Variants in MICU1 observed in about 807,000 individuals in gnomAD.
MICU1 encodes mitochondrial calcium uptake 1.
Under a neutral mutation model 56.8 loss-of-function variants are expected in MICU1, and 45 were observed. The ratio of observed to expected loss-of-function variants is 0.79; its 90% CI spans 0.62 to 1.02. The LOEUF (loss-of-function observed/expected upper bound fraction) is 1.02, where lower values mean the gene tolerates loss of function less well. Ranked by LOEUF, MICU1 falls within the 50% of genes least tolerant of loss-of-function variation. MICU1 has a pLI of 0.00. For missense variants in MICU1, 504 were observed against 587.1 expected (o/e 0.86, Z 1.46); for synonymous variants, 186 against 195.1 (o/e 0.95, Z 0.39).
At chr10:72,426,415 TC>T (rs1864351505) in intron 8 of MICU1, among the ~76,000 whole-genome samples, 3 of 151,088 alleles carry the variant, frequency 2.0e-5, no homozygotes, top group Non-Finnish European at 3.0e-5. Context: ...TTTTTTTTTT[TC>T]AGACAGGGTC....
intron 8 of MICU1, among the ~76,000 whole-genome samples, chr10:72,470,210 G>A (rs1416195584): frequency 2.0e-5 from 3 of 152,076 alleles, no homozygotes; most frequent in African/African-American, 7.2e-5. Context: ...TTTAACCAAG[G>A]CCTCATTAGC....
chr10:72,495,755 A>G (rs1866820758), intron 6 of MICU1, among the ~76,000 whole-genome samples: 1 of 151,998 alleles, frequency 6.6e-6, no homozygotes, highest in South Asian at 2.1e-4. Context: ...AGATGTGACT[A>G]AGTTTGGCAT....
chr10:72,461,033 C>G (rs531262181), intron 8 of MICU1, among the ~76,000 whole-genome samples: 1 of 152,120 alleles, frequency 6.6e-6, no homozygotes, highest in Non-Finnish European at 1.5e-5. Flanking sequence ...CCAAGCTGAT[C>G]TAGAGGCCAA....
At chr10:72,566,398 A>C (rs1432607014) in intron 2 of MICU1, among the ~76,000 whole-genome samples, 1 of 152,106 alleles carries the variant, frequency 6.6e-6, no homozygotes, top group Non-Finnish European at 1.5e-5. Flanking sequence ...CCATTATTTA[A>C]AATGTTCAGC....
rs1199987987 is a variant in MICU1 at position 72,512,100 on chromosome 10, G to GTTTTTTTTTTTT, written c.538-3832_538-3831insAAAAAAAAAAAA. Among the ~76,000 whole-genome samples, 33 of 82,338 alleles carry GTTTTTTTTTTTT rather than the reference G, an allele frequency of 4.0e-4. 8 individuals are homozygous for GTTTTTTTTTTTT. The highest frequency in any genetic ancestry group is 1.5e-3 in the African/African-American group (26 of 17,244). The allele number at this position is 82,338 out of a possible 152,430, so 54.0% of individuals were successfully genotyped here. A position where few individuals can be genotyped will look rare whatever the true frequency, so the allele number is the denominator to read the frequency against. On this transcript the variant is annotated intron_variant, in intron 5 of 11. Coordinates refer to ENST00000361114, the MANE Select transcript of MICU1 (RefSeq NM_001195518.2). ...ATCAATCTGGCATCCATACACAGTT[G>GTTTTTTTTTTTT]TTTTTTGTTTTTTTTTTTTTTTTTT...
chr10:72,463,480 C>G (rs1865699635), intron 8 of MICU1, among the ~76,000 whole-genome samples: 1 of 152,162 alleles, frequency 6.6e-6, no homozygotes, highest in African/African-American at 2.4e-5. Context: ...TTCCTCCATT[C>G]TCCAAAAGGT....
intron 2 of MICU1, among the ~76,000 whole-genome samples, chr10:72,564,647 T>C (rs1210223454): frequency 1.3e-5 from 2 of 148,906 alleles, no homozygotes; most frequent in Admixed American, 6.7e-5. Flanking sequence ...CCAAGCCAAA[T>C]ACAGTGATCT....
chr10:72,620,808 T>G (rs984040307), intron 1 of MICU1, among the ~76,000 whole-genome samples: 1 of 152,216 alleles, frequency 6.6e-6, no homozygotes, highest in Non-Finnish European at 1.5e-5. Context: ...ATATTTAATG[T>G]CAATCACTTC....
chr10:72,488,022 C>A (rs1239932970), intron 6 of MICU1, among the ~76,000 whole-genome samples: 3 of 151,784 alleles, frequency 2.0e-5, no homozygotes, highest in East Asian at 3.9e-4. Flanking sequence ...CATGGAGAAA[C>A]CCCGTCTCTA....
intron 6 of MICU1, among the ~76,000 whole-genome samples, chr10:72,482,446 A>G (rs964691397): frequency 6.6e-6 from 1 of 152,180 alleles, no homozygotes; most frequent in Non-Finnish European, 1.5e-5. Context: ...CTGAGTTTTG[A>G]AAAAAACTTC....
At chr10:72,589,649 C>T (rs866472831) in intron 1 of MICU1, among the ~76,000 whole-genome samples, 6 of 151,648 alleles carry the variant, frequency 4.0e-5, no homozygotes, top group African/African-American at 1.2e-4. Context: ...ATAATAAAGC[C>T]CTTCTAATTA....
chr10:72,403,988 TTTTG>T (rs887522344), intron 10 of MICU1, among the ~76,000 whole-genome samples: 8 of 115,018 alleles, frequency 7.0e-5, no homozygotes, highest in African/African-American at 1.8e-4. Flanking sequence ...GTTATGTGTT[TTTTG>T]TTTGTTTGTT....
intron 5 of MICU1, among the ~76,000 whole-genome samples, chr10:72,514,259 T>C (rs1358650375): frequency 1.3e-5 from 2 of 152,198 alleles, no homozygotes; most frequent in African/African-American, 4.8e-5. Flanking sequence ...TTTTAGCTAC[T>C]TAACTATACT....
intron 5 of MICU1, among the ~76,000 whole-genome samples, chr10:72,515,733 T>C (rs1454668619): frequency 6.6e-6 from 1 of 152,196 alleles, no homozygotes; most frequent in African/African-American, 2.4e-5. Context: ...CATTTGTTAC[T>C]TTTTTAAGGA....
intron 1 of MICU1, among the ~76,000 whole-genome samples, chr10:72,577,503 C>T (rs1470052501): frequency 2.0e-5 from 3 of 148,958 alleles, no homozygotes; most frequent in Non-Finnish European, 4.5e-5. Flanking sequence ...GAGCTAAACT[C>T]CGTCTCAAAA....
intron 6 of MICU1, among the ~76,000 whole-genome samples, chr10:72,500,298 ATATATT>A (rs1867018384): frequency 1.5e-4 from 1 of 6,498 alleles, no homozygotes; most frequent in African/African-American, 2.8e-4. Context: ...ATATATATAT[ATATATT>A]TTTTTTTTTT....
intron 1 of MICU1, among the ~76,000 whole-genome samples, chr10:72,602,841 C>T (rs1841576474): frequency 6.6e-6 from 1 of 152,244 alleles, no homozygotes; most frequent in African/African-American, 2.4e-5. Context: ...GGCGCGGTGG[C>T]TCACACCTGT....
chr10:72,399,604 C>T (rs113945377), intron 10 of MICU1, among the ~76,000 whole-genome samples: 5,568 of 151,888 alleles, frequency 0.037, 333 homozygotes, highest in African/African-American at 0.13. Flanking sequence ...TGAGATCGCG[C>T]CACTGTACTC....
intron 3 of MICU1, among the ~76,000 whole-genome samples, chr10:72,552,313 T>C (rs1416646701): frequency 6.6e-6 from 1 of 152,162 alleles, no homozygotes; most frequent in Non-Finnish European, 1.5e-5. Flanking sequence ...TTATCTGGTA[T>C]ACAAGCCCCC....
Sources: allele counts gnomAD v4.1 joint callset (sites outside exome capture counted in the v4.1 genomes callset), GRCh38; gene constraint gnomAD v4.1.1; transcripts MANE v1.5; gene names NCBI Gene and HGNC (gene_info 2026-07-23, HGNC 2026-07-21).